Variants in HAGH observed in about 807,000 individuals in gnomAD.
HAGH encodes the protein hydroxyacylglutathione hydrolase, mitochondrial.
HAGH carries 29 observed loss-of-function variants against 35.1 expected under a neutral mutation model. The ratio of observed to expected loss-of-function variants is 0.83; its 90% CI spans 0.62 to 1.13. The LOEUF is 1.13. Among genes scored for constraint, HAGH ranks in the 50% most tolerant of loss-of-function variants. The pLI, the probability that HAGH is intolerant of heterozygous loss-of-function variation, is 0.00. For synonymous variants in HAGH, 225 were observed against 176.1 expected (o/e 1.28, Z -2.20); for missense variants, 478 against 419.6 (o/e 1.14, Z -1.22).
At chr16:1,822,436 G>A (rs1898196700) in intron 2 of HAGH, 72 bp from the exon 3 acceptor site, 1 of 1,149,800 alleles carries the variant, frequency 8.7e-7, no homozygotes, top group African/African-American at 1.5e-5. Context: ...ATATGGTAGG[G>A]TGCCCAGCAG....
intron 5 of HAGH, chr16:1,818,801 C>G (rs1022003431): frequency 2.8e-5 from 10 of 360,774 alleles, no homozygotes; most frequent in African/African-American, 2.1e-4. Flanking sequence ...GAACACAGCC[C>G]CAGGGCTGAG....
intron 1 of HAGH, among the ~76,000 whole-genome samples, chr16:1,825,898 T>A (rs1260513939): frequency 6.6e-6 from 1 of 152,168 alleles, no homozygotes; most frequent in Admixed American, 6.5e-5. Flanking sequence ...TTTCACAGCA[T>A]CTTGCTTCCC....
rs892888639 is a variant in HAGH, at chr16:1,808,524, T to C, written c.*759A>G. 2 of 152,122 alleles carry C rather than the reference T, an allele frequency of 1.3e-5. No homozygotes were observed. The highest frequency in any genetic ancestry group is 2.9e-5 in the Non-Finnish European group (2 of 68,134). 9.4% of individuals were successfully genotyped at this position (152,122 alleles called of 1,614,324 possible). ...ACCATGTTAGCCAGGATGGACTCGA[T>C]CTCCTGACCTCGTGATCCACCCGCC... is the stretch of plus-strand genomic sequence containing the variant. On this transcript the variant is annotated 3_prime_UTR_variant, in exon 9 of 9. Coordinates refer to ENST00000397356, the MANE Select transcript of HAGH (RefSeq NM_005326.6).
Position 1,822,352 on chromosome 16 carries a change from C to A in HAGH, c.262G>T (p.Ala88Ser), listed in dbSNP as rs375367330. Reference sequence around the variant, plus strand: ...GTCAGTTTCACCCCGTGCTTTCTCGCCGCGTCCACGACCTGCAGTGGCCCC... The same window carrying A: ...GTCAGTTTCACCCCGTGCTTTCTCGACGCGTCCACGACCTGCAGTGGCCCC... ...PVQPQKVVDA[A>S]RKHGVKLTTV... Residue 88 changes from alanine to serine, a missense_variant, in exon 3 of 9, where the codon GCG (alanine) becomes TCG (serine). By Grantham distance (99) the Ala-to-Ser change is moderately conservative. Transcript: ENST00000397356. 57 of 1,611,090 alleles carry A rather than the reference C, an allele frequency of 3.5e-5. No individual in the cohort carries two copies. Among genetic ancestry groups the A allele is most frequent in the African/African-American group, 1.3e-5 (1 of 74,894 alleles).
chr16:1,817,707 C>T (rs913210893), intron 5 of HAGH, among the ~76,000 whole-genome samples: 5 of 152,188 alleles, frequency 3.3e-5, no homozygotes, highest in Non-Finnish European at 5.9e-5. Context: ...TCACCCATGG[C>T]GGAAGATGCG....
chr16:1,819,947 C>T lies in HAGH; in HGVS notation c.382G>A (p.Asp128Asn), dbSNP rs751876465. ...TTGTGAGTCAGGGCCCCGATACGGT[C>T]GTCACCCCCGTACACCTTCAGTCCC... Reference protein sequence around the residue: ...ESGLKVYGGDDRIGALTHKIT... With the variant: ...ESGLKVYGGDNRIGALTHKIT... Residue 128 changes from aspartate (D) to asparagine (N), a missense_variant, in exon 4 of 9, where the codon GAC (aspartate) becomes AAC (asparagine). Transcript: ENST00000397356. The T allele has an allele frequency of 4.3e-6, 7 of 1,613,324 alleles. No homozygotes were observed. Among genetic ancestry groups the T allele is most frequent in the Middle Eastern group, 1.6e-4 (1 of 6,062 alleles).
At chr16:1,821,044 C>G (rs943806166) in intron 3 of HAGH, among the ~76,000 whole-genome samples, 3 of 152,172 alleles carry the variant, frequency 2.0e-5, no homozygotes, top group African/African-American at 7.2e-5. Context: ...GGCAGCCACA[C>G]AGAGGCCACC....
chr16:1,818,873 C>G, intron 5 of HAGH: 1 of 521,880 alleles, frequency 1.9e-6, no homozygotes. Flanking sequence ...CGGACCCCAG[C>G]TGTCCAGCAG....
chr16:1,826,994 G>C, upstream of HAGH: 3 of 636,778 alleles, frequency 4.7e-6, no homozygotes, highest in South Asian at 5.5e-5. Flanking sequence ...GCCTGGGAGC[G>C]GCGGCGGCGG....
At chr16:1,820,832 A>G (rs1337351785) in intron 3 of HAGH, among the ~76,000 whole-genome samples, 1 of 152,112 alleles carries the variant, frequency 6.6e-6, no homozygotes, top group African/African-American at 2.4e-5. Context: ...AGGGCGCGGC[A>G]CCACAGGCCT....
At position 1,823,005 on chromosome 16, in the gene HAGH, C is replaced by G; in HGVS notation, c.109G>C (p.Asp37His). Residue 37 changes from aspartate to histidine, a missense_variant, in exon 2 of 9, where the codon GAT becomes CAT. Coordinates refer to ENST00000397356, the MANE Select transcript of HAGH (RefSeq NM_005326.6). ...PALLGVFCHTDLRKNLTVDEG... is the reference protein window; with the variant it reads ...PALLGVFCHTHLRKNLTVDEG... Reference sequence around the variant, plus strand: ...TCCACGGTCAGGTTCTTCCGCAAATCTGTGTGGCAGAAAACTCCCAGCAGG... The same window carrying G: ...TCCACGGTCAGGTTCTTCCGCAAATGTGTGTGGCAGAAAACTCCCAGCAGG... 1.2e-6 allele frequency: 2 copies of G among 1,613,958 alleles called. No individual in the cohort carries two copies. The highest frequency in any genetic ancestry group is 1.3e-5 in the African/African-American group (1 of 75,070).
At chr16:1,815,025 C>G (rs1486905203) in intron 7 of HAGH, among the ~76,000 whole-genome samples, 1 of 151,952 alleles carries the variant, frequency 6.6e-6, no homozygotes, top group Non-Finnish European at 1.5e-5. Context: ...AGCAGCCCAA[C>G]AGGCCAAACC....
intron 7 of HAGH, among the ~76,000 whole-genome samples, chr16:1,813,332 C>T (rs1006335247): frequency 6.6e-6 from 1 of 152,176 alleles, no homozygotes; most frequent in Non-Finnish European, 1.5e-5. Flanking sequence ...GGTGCAGACG[C>T]CCAGGCCATG....
intron 8 of HAGH, 82 bp from the exon 9 acceptor site, chr16:1,809,464 TC>T: frequency 8.5e-7 from 1 of 1,182,204 alleles, no homozygotes; most frequent in African/African-American, 1.5e-5. Flanking sequence ...GGAAGGCGAC[TC>T]GTGCTGGCCG....
upstream of HAGH, chr16:1,826,961 G>T: frequency 3.3e-6 from 2 of 610,434 alleles, no homozygotes; most frequent in South Asian, 3.2e-5. Flanking sequence ...CGCGAGCCCC[G>T]ACTGCCACGG....
intron 7 of HAGH, among the ~76,000 whole-genome samples, chr16:1,811,127 C>A (rs80237398): frequency 1.7e-3 from 259 of 152,308 alleles, no homozygotes; most frequent in African/African-American, 6.1e-3. Flanking sequence ...AAAATAAGGT[C>A]AGTCAGCCGA....
rs889110173 is a variant in HAGH at position 1,822,346 on chromosome 16, T to G, written c.268A>C (p.Lys90Gln). 10 of 1,611,774 alleles carry G rather than the reference T, an allele frequency of 6.2e-6. No individual in the cohort carries two copies. In the African/African-American group the frequency reaches 1.2e-4, roughly 19 times the overall value. ...QPQKVVDAARKHGVKLTTVLT... is the reference protein window; with the variant it reads ...QPQKVVDAARQHGVKLTTVLT... ...ACTGTGGTCAGTTTCACCCCGTGCTTTCTCGCCGCGTCCACGACCTGCAGT... is the reference window on the plus strand; with the variant it reads ...ACTGTGGTCAGTTTCACCCCGTGCTGTCTCGCCGCGTCCACGACCTGCAGT... The change falls in exon 3 of 9, where the codon AAG becomes CAG. Residue 90 changes from lysine (K) to glutamine (Q), a missense_variant. Lys to Gln is a moderately conservative substitution (Grantham distance 53). Coordinates refer to ENST00000397356, the MANE Select transcript of HAGH (RefSeq NM_005326.6).
chr16:1,817,987 C>T (rs1268045036), intron 5 of HAGH, among the ~76,000 whole-genome samples: 1 of 152,252 alleles, frequency 6.6e-6, no homozygotes, highest in Non-Finnish European at 1.5e-5. Flanking sequence ...GTGCTGGGCA[C>T]AGGCCAAGGC....
intron 6 of HAGH, 81 bp from the exon 7 acceptor site, chr16:1,817,075 G>A (rs537777963): frequency 2.6e-5 from 35 of 1,322,428 alleles, no homozygotes; most frequent in Middle Eastern, 1.8e-4. Flanking sequence ...GGATGCCCCC[G>A]GGGGGTGTCC....
Sources: allele counts gnomAD v4.1 joint callset (sites outside exome capture counted in the v4.1 genomes callset), GRCh38; gene constraint gnomAD v4.1.1; transcripts MANE v1.5; gene names NCBI Gene and HGNC (gene_info 2026-07-23, HGNC 2026-07-21).